The following DNAH17 variants were observed in gnomAD, a reference collection of about 807,000 sequenced individuals.
DNAH17 encodes dynein axonemal heavy chain 17, also known as axonemal beta dynein heavy chain 17.
In DNAH17, 376 loss-of-function variants were observed where a neutral mutation model predicts 485.6. The ratio of observed to expected loss-of-function variants is 0.77; its 90% CI spans 0.71 to 0.84. The LOEUF (loss-of-function observed/expected upper bound fraction) is 0.84, where lower values mean the gene tolerates loss of function less well. DNAH17 is among the 40% of genes least tolerant of loss of function. DNAH17 has a pLI of 0.00. For missense variants in DNAH17, 6,370 were observed against 5,839.3 expected, an observed-to-expected ratio of 1.09 and a Z score of -2.96; for synonymous variants, 3,031 against 2,405.9, an observed-to-expected ratio of 1.26 and a Z score of -7.60.
intron 33 of DNAH17, 140 bp from the exon 34 acceptor site, chr17:78,502,013 AG>A: frequency 8.0e-7 from 1 of 1,252,956 alleles, no homozygotes; most frequent in Non-Finnish European, 1.1e-6. Context: ...CGCCCTCGGT[AG>A]GCCCCAGCCA....
chr17:78,538,432 A>G (rs1488326320), intron 18 of DNAH17, among the ~76,000 whole-genome samples: 1 of 152,200 alleles, frequency 6.6e-6, no homozygotes, highest in Non-Finnish European at 1.5e-5. Flanking sequence ...CTGTGAGATC[A>G]CACTGTGGCC....
At position 78,425,433 on chromosome 17, in the gene DNAH17, G is replaced by T; in HGVS notation, c.13054C>A (p.Leu4352Met). ...TTTTTCTTGGTCACCTCGACAGACA[G>T]ACACATCTTGTCCAGGGGCCACTCG... is the stretch of plus-strand genomic sequence containing the variant. ...KNEWPLDKMC[L>M]SVEVTKKNRE... Residue 4352 changes from leucine (L) to methionine (M), a missense_variant, in exon 80 of 81, where the codon CTG becomes ATG. Leu to Met is a conservative substitution (Grantham distance 15, BLOSUM62 2). Coordinates refer to ENST00000389840, the MANE Select transcript of DNAH17 (RefSeq NM_173628.4). 1 of 1,614,024 alleles carries T rather than the reference G, an allele frequency of 6.2e-7. No individual in the cohort carries two copies. The highest frequency in any genetic ancestry group is 8.5e-7 in the Non-Finnish European group (1 of 1,179,904).
At chr17:78,500,842 G>C (rs113492698) in intron 35 of DNAH17, 1 of 236,204 alleles carries the variant, frequency 4.2e-6, no homozygotes, top group South Asian at 1.2e-4. Flanking sequence ...GTGTGAAGGA[G>C]GAACCACAAC....
intron 75 of DNAH17, among the ~76,000 whole-genome samples, chr17:78,433,091 T>G (rs1160949416): frequency 6.6e-6 from 1 of 152,136 alleles, no homozygotes; most frequent in Non-Finnish European, 1.5e-5. Context: ...CCAGGGTCCA[T>G]GTCGCTATTG....
chr17:78,542,990 C>G (rs931001115), intron 17 of DNAH17, among the ~76,000 whole-genome samples: 8 of 152,210 alleles, frequency 5.3e-5, no homozygotes, highest in African/African-American at 1.9e-4. Context: ...CCACATTGTG[C>G]TGGGCGAGGG....
In DNAH17 at chr17:78,567,122, G is replaced by T; in HGVS notation, c.1329C>A (p.Ile443=). The change falls in exon 10 of 81, where the codon ATC becomes ATA. Residue 443 remains isoleucine, a synonymous_variant. Transcript: ENST00000389840. ...GGTTCCCACGCACGCCCCCAAGCTC[G>T]ATTTTCTCCAGCTTCAGAAACTCAA... The part of the protein sequence containing the change: ...TAIEFLKLEK[I]ELGGVRGNLL... The T allele has an allele frequency of 6.2e-7, 1 of 1,610,440 alleles. No individual in the cohort carries two copies. Among genetic ancestry groups the T allele is most frequent in the Non-Finnish European group, 8.5e-7 (1 of 1,178,366 alleles).
intron 62 of DNAH17, among the ~76,000 whole-genome samples, chr17:78,456,242 G>C (rs1027806286): frequency 4.6e-5 from 7 of 152,084 alleles, no homozygotes; most frequent in Admixed American, 4.6e-4. Flanking sequence ...GAGGTTGCAG[G>C]GAGCCGAGAT....
intron 63 of DNAH17, 82 bp from the exon 64 acceptor site, chr17:78,454,787 G>C (rs1598476835): frequency 5.6e-6 from 7 of 1,253,622 alleles, no homozygotes; most frequent in Non-Finnish European, 7.8e-6. Flanking sequence ...ATAATGCTCT[G>C]TCTGGTGCTG....
chr17:78,557,311 T>C (rs1454396151), intron 14 of DNAH17, among the ~76,000 whole-genome samples: 2 of 152,070 alleles, frequency 1.3e-5, no homozygotes, highest in African/African-American at 2.4e-5. Flanking sequence ...GGAGGGTAAA[T>C]AGATCTATAA....
At chr17:78,560,602 G>GAC in intron 13 of DNAH17, 138 bp downstream of exon 13, 1 of 904,466 alleles carries the variant, frequency 1.1e-6, no homozygotes, top group East Asian at 2.7e-5. Flanking sequence ...ATATACCCTG[G>GAC]ACACACTTAA....
intron 2 of DNAH17, among the ~76,000 whole-genome samples, 184 bp from the exon 3 acceptor site, chr17:78,573,078 T>C (rs2092383715): frequency 6.6e-6 from 1 of 152,032 alleles, no homozygotes; most frequent in Admixed American, 6.5e-5. Context: ...CTGGGAAAAC[T>C]GGATCCTTCT....
At chr17:78,501,937 G>A (rs1294743074) in intron 33 of DNAH17, 64 bp from the exon 34 acceptor site, 3 of 1,601,316 alleles carry the variant, frequency 1.9e-6, no homozygotes, top group Non-Finnish European at 2.6e-6. Context: ...GGGTCTTGTG[G>A]CTGGGTGCCC....
chr17:78,558,281 C>A (rs1054968482), intron 13 of DNAH17, 27 bp from the exon 14 acceptor site: 1 of 1,610,592 alleles, frequency 6.2e-7, no homozygotes, highest in Admixed American at 1.7e-5. Context: ...GATCAAAGAA[C>A]ATGTCAGCAG....
chr17:78,460,386 A>ATGAGTG, intron 58 of DNAH17, 129 bp from the exon 59 acceptor site: 3 of 514,788 alleles, frequency 5.8e-6, no homozygotes, highest in Non-Finnish European at 1.0e-5. Context: ...GTATGTGTGC[A>ATGAGTG]TATATGTGCA....
chr17:78,499,250 C>T (rs1347214738), intron 36 of DNAH17, 138 bp from the exon 37 acceptor site: 18 of 573,226 alleles, frequency 3.1e-5, no homozygotes, highest in African/African-American at 1.2e-4. Flanking sequence ...TGGAGCCTTC[C>T]GCAGGCCAGC....
intron 36 of DNAH17, chr17:78,500,012 G>A (rs901971830): frequency 2.3e-5 from 8 of 346,712 alleles, no homozygotes; most frequent in African/African-American, 1.5e-4. Context: ...ACCCCTGTGC[G>A]GAGTCCCCAG....
chr17:78,470,549 C>T (rs960632387), intron 54 of DNAH17, among the ~76,000 whole-genome samples: 9 of 151,924 alleles, frequency 5.9e-5, no homozygotes, highest in African/African-American at 9.7e-5. Context: ...ATTAGCCAGG[C>T]GTGGTGGCAC....
chr17:78,538,449 C>T (rs1189894637), intron 18 of DNAH17, among the ~76,000 whole-genome samples: 1 of 152,202 alleles, frequency 6.6e-6, no homozygotes, highest in Admixed American at 6.5e-5. Flanking sequence ...GGCCACTGAT[C>T]TCCCCCTGAA....
chr17:78,515,156 C>T, intron 25 of DNAH17, 134 bp from the exon 26 acceptor site: 2 of 1,044,098 alleles, frequency 1.9e-6, no homozygotes, highest in South Asian at 3.4e-5. Flanking sequence ...TACCCGAGAT[C>T]AGTAAAGTGA....
Sources: gnomAD v4.1 joint callset for allele counts (sites outside exome capture counted in the v4.1 genomes callset) on GRCh38, gnomAD v4.1.1 for gene constraint, MANE v1.5 for transcripts, NCBI Gene and HGNC (gene_info 2026-07-23, HGNC 2026-07-21) for gene names.